Variants in CPEB1 observed in about 807,000 individuals in gnomAD.
CPEB1 encodes the protein cytoplasmic polyadenylation element-binding protein 1.
CPEB1 carries 7 observed loss-of-function variants against 65.8 expected under a neutral mutation model. That is an observed-to-expected ratio of 0.11 (90% CI 0.06 to 0.20). The LOEUF (loss-of-function observed/expected upper bound fraction) is 0.20, where lower values mean the gene tolerates loss of function less well. CPEB1 is among the 10% of genes least tolerant of loss of function. CPEB1 has a pLI of 1.00. For missense variants in CPEB1, 551 were observed against 712.2 expected (o/e 0.77, Z 2.58); for synonymous variants, 262 against 260.0 (o/e 1.01, Z -0.08).
At chr15:82,602,824 G>A (rs1389438917) in intron 3 of CPEB1, among the ~76,000 whole-genome samples, 5 of 152,054 alleles carry the variant, frequency 3.3e-5, no homozygotes, top group Non-Finnish European at 5.9e-5. Flanking sequence ...CAGCCTGGGC[G>A]ACAGAGCAAC....
chr15:82,546,809 C>CT (rs2035308098), intron 11 of CPEB1, among the ~76,000 whole-genome samples: 2 of 152,144 alleles, frequency 1.3e-5, no homozygotes, highest in South Asian at 4.1e-4. Context: ...CCTCAGCCCT[C>CT]TATCAATTAG....
chr15:82,573,298 G>T, intron 3 of CPEB1: 1 of 794,186 alleles, frequency 1.3e-6, no homozygotes, highest in Non-Finnish European at 1.9e-6. Flanking sequence ...CCTGGCTGTA[G>T]ATATTCTGCT....
At chr15:82,570,610 G>C (rs964969896) in intron 4 of CPEB1, among the ~76,000 whole-genome samples, 3 of 152,018 alleles carry the variant, frequency 2.0e-5, no homozygotes, top group Non-Finnish European at 2.9e-5. Flanking sequence ...CAATTTAAGG[G>C]GGGGCTGCCA....
chr15:82,584,903 CTTTTTTT>C (rs3080692), intron 3 of CPEB1, among the ~76,000 whole-genome samples: 11 of 81,742 alleles, frequency 1.3e-4, no homozygotes, highest in African/African-American at 5.3e-4. Flanking sequence ...TCCTAATTTG[CTTTTTTT>C]TTTTTTTTTT....
At chr15:82,622,634 T>G (rs1161055404) in intron 3 of CPEB1, among the ~76,000 whole-genome samples, 1 of 152,146 alleles carries the variant, frequency 6.6e-6, no homozygotes, top group Non-Finnish European at 1.5e-5. Context: ...TCAAGTGATC[T>G]GCCCACCTCG....
Position 82,544,351 on chromosome 15 carries a change from T to C in CPEB1, c.*241A>G, listed in dbSNP as rs1201135649. ...AAATCTGGGAAAACTACAGAGTCGC[T>C]TGGAGGGTAAGCCAGAGGGTCCTTG... On this transcript the variant is annotated 3_prime_UTR_variant, in exon 13 of 13. Transcript: ENST00000684509. 3 of 318,674 alleles carry C rather than the reference T, an allele frequency of 9.4e-6. No homozygotes were observed. Among genetic ancestry groups the C allele is most frequent in the East Asian group, 1.0e-4 (2 of 19,208 alleles). The allele number at this position is 318,674 out of a possible 1,614,324, so 19.7% of individuals were successfully genotyped here. A position where few individuals can be genotyped will look rare whatever the true frequency, so the allele number is the denominator to read the frequency against.
intron 9 of CPEB1, among the ~76,000 whole-genome samples, chr15:82,550,091 G>A (rs2035982772): frequency 6.6e-6 from 1 of 152,204 alleles, no homozygotes; most frequent in African/African-American, 2.4e-5. Context: ...GGACAGAGGG[G>A]TGGGAGTGCT....
At chr15:82,645,605 C>G (rs1040086428) in intron 1 of CPEB1, among the ~76,000 whole-genome samples, 8 of 152,156 alleles carry the variant, frequency 5.3e-5, no homozygotes, top group African/African-American at 1.9e-4. Context: ...CAAGGGGGCT[C>G]ACGCCTGTAA....
intron 4 of CPEB1, among the ~76,000 whole-genome samples, chr15:82,566,447 G>T (rs974177078): frequency 3.3e-5 from 5 of 152,140 alleles, no homozygotes; most frequent in Admixed American, 1.3e-4. Flanking sequence ...AGGGGGGAGA[G>T]TAGCATTCAT....
At chr15:82,598,158 A>G (rs2151179125) in intron 3 of CPEB1, among the ~76,000 whole-genome samples, 1 of 152,342 alleles carries the variant, frequency 6.6e-6, no homozygotes, top group East Asian at 1.9e-4. Context: ...TTTGCACACA[A>G]GATTTCTCAG....
At chr15:82,617,320 C>T (rs1321524351) in intron 3 of CPEB1, among the ~76,000 whole-genome samples, 1 of 152,132 alleles carries the variant, frequency 6.6e-6, no homozygotes, top group Non-Finnish European at 1.5e-5. Context: ...TGGGTTGTTT[C>T]CAGGTTTTGG....
At chr15:82,637,390 G>T (rs2046750266) in intron 1 of CPEB1, among the ~76,000 whole-genome samples, 1 of 151,902 alleles carries the variant, frequency 6.6e-6, no homozygotes, top group Non-Finnish European at 1.5e-5. Flanking sequence ...ATACCCACAG[G>T]GCCTCTTGGT....
intron 4 of CPEB1, among the ~76,000 whole-genome samples, chr15:82,560,117 A>C (rs1270483381): frequency 3.3e-5 from 5 of 152,206 alleles, no homozygotes; most frequent in African/African-American, 1.2e-4. Context: ...TGCCTGATAG[A>C]AATCCAAAAT....
chr15:82,582,352 C>G (rs2041359540), intron 3 of CPEB1, among the ~76,000 whole-genome samples: 1 of 152,202 alleles, frequency 6.6e-6, no homozygotes, highest in Admixed American at 6.5e-5. Context: ...ATAAAAATCT[C>G]TGGGACAAAA....
At chr15:82,628,125 A>G (rs1267238812) in intron 2 of CPEB1, 6 of 685,734 alleles carry the variant, frequency 8.7e-6, no homozygotes, top group Non-Finnish European at 1.1e-5. Context: ...ATGAAAGTCT[A>G]GAAGAATTAC....
In CPEB1 at chr15:82,602,156, G is replaced by A. The variant is rs540187164; in HGVS notation, c.271+25037C>T. Among the ~76,000 whole-genome samples the A allele has an allele frequency of 4.5e-4, 68 of 152,248 alleles. 1 individual carries two copies. Among genetic ancestry groups the A allele is most frequent in the African/African-American group, 1.5e-3 (63 of 41,558 alleles). ...TTTGAAGACTAAAATTATGTTAGAG[G>A]ATGTTCTATGACCATAGTGGAATTA... On this transcript the variant is annotated intron_variant, in intron 3 of 12. Coordinates refer to ENST00000684509, the MANE Select transcript of CPEB1 (RefSeq NM_001365242.1).
chr15:82,558,335 GCA>G (rs10610891), intron 4 of CPEB1, among the ~76,000 whole-genome samples: 36,195 of 152,054 alleles, frequency 0.24, 4,669 homozygotes, highest in African/African-American at 0.31. Context: ...TACACCTACA[GCA>G]CAGTTAGAAA....
chr15:82,563,387 A>G (rs1425986556), intron 4 of CPEB1, among the ~76,000 whole-genome samples: 1 of 131,690 alleles, frequency 7.6e-6, no homozygotes, highest in East Asian at 2.3e-4. Context: ...TTTTTGAGCA[A>G]GGGTCTCCCT....
chr15:82,613,909 G>T (rs1027970648), intron 3 of CPEB1, among the ~76,000 whole-genome samples: 1 of 151,956 alleles, frequency 6.6e-6, no homozygotes, highest in Non-Finnish European at 1.5e-5. Context: ...AGGCTGCCAG[G>T]AAGGGACTGG....
Sources: allele counts gnomAD v4.1 joint callset (sites outside exome capture counted in the v4.1 genomes callset), GRCh38; gene constraint gnomAD v4.1.1; transcripts MANE v1.5; gene names NCBI Gene and HGNC (gene_info 2026-07-23, HGNC 2026-07-21).